Variants in ROBO2 observed in about 807,000 individuals in gnomAD.
The protein encoded by ROBO2 is roundabout guidance receptor 2, also known as roundabout homolog 2.
ROBO2 carries 53 observed loss-of-function variants against 160.8 expected under a neutral mutation model. The observed-to-expected ratio is 0.33, with a 90% confidence interval of 0.26 to 0.41. ROBO2 has a LOEUF of 0.41. Ranked by LOEUF, ROBO2 falls within the 10% of genes least tolerant of loss-of-function variation. ROBO2 has a pLI of 1.00. For missense variants in ROBO2, 1,577 were observed against 1,722.4 expected (o/e 0.92, Z 1.49); for synonymous variants, 664 against 611.7 (o/e 1.09, Z -1.26).
intron 6 of ROBO2, among the ~76,000 whole-genome samples, chr3:77,527,162 C>T (rs562889473): frequency 6.6e-6 from 1 of 151,336 alleles, no homozygotes; most frequent in East Asian, 2.0e-4. Flanking sequence ...AAGACTTTAC[C>T]TAAAATATCT....
intron 2 of ROBO2, among the ~76,000 whole-genome samples, chr3:77,390,991 C>T (rs1279396096): frequency 6.6e-6 from 1 of 152,012 alleles, no homozygotes; most frequent in Non-Finnish European, 1.5e-5. Context: ...TTCAGACCTG[C>T]CTTCATTTTA....
At chr3:76,095,301 A>C (rs150324667) in intron 2 of ROBO2, among the ~76,000 whole-genome samples, 5 of 152,246 alleles carry the variant, frequency 3.3e-5, no homozygotes, top group African/African-American at 9.6e-5. Context: ...TGAATTTAAA[A>C]GGCCCATTAT....
At chr3:77,502,290 T>G (rs768244808) in intron 5 of ROBO2, among the ~76,000 whole-genome samples, 2 of 152,132 alleles carry the variant, frequency 1.3e-5, no homozygotes, top group African/African-American at 2.4e-5. Context: ...ATTTTTATCA[T>G]ATAGTCACAG....
chr3:75,986,326 C>T (rs530936876), intron 2 of ROBO2, among the ~76,000 whole-genome samples: 1 of 151,558 alleles, frequency 6.6e-6, no homozygotes. Context: ...ACTTATTGAC[C>T]ATTTCTATTA....
At chr3:76,716,954 G>C (rs938827807) in intron 2 of ROBO2, among the ~76,000 whole-genome samples, 1 of 152,154 alleles carries the variant, frequency 6.6e-6, no homozygotes, top group Non-Finnish European at 1.5e-5. Context: ...GAGGATGTTA[G>C]AGTGAAATAA....
chr3:77,363,516 A>G (rs2153470770), intron 2 of ROBO2, among the ~76,000 whole-genome samples: 1 of 152,320 alleles, frequency 6.6e-6, no homozygotes, highest in East Asian at 1.9e-4. Context: ...GTGACCCAAG[A>G]GCCTTCAAAA....
At chr3:77,172,923 A>G (rs1370331988) in intron 2 of ROBO2, among the ~76,000 whole-genome samples, 1 of 152,236 alleles carries the variant, frequency 6.6e-6, no homozygotes, top group Non-Finnish European at 1.5e-5. Flanking sequence ...CCTACTTGTC[A>G]GAACTGAAGT....
At chr3:76,412,394 C>A (rs938600441) in intron 2 of ROBO2, among the ~76,000 whole-genome samples, 5 of 152,160 alleles carry the variant, frequency 3.3e-5, no homozygotes, top group African/African-American at 1.2e-4. Flanking sequence ...TCCCAACAGT[C>A]CCCCAAAGTC....
At chr3:76,109,164 A>G (rs1257010313) in intron 2 of ROBO2, among the ~76,000 whole-genome samples, 1 of 152,052 alleles carries the variant, frequency 6.6e-6, no homozygotes. Context: ...TAAAGTGTAT[A>G]ATATAATAAA....
chr3:77,563,112 AG>A, intron 10 of ROBO2, 54 bp from the exon 12 acceptor site: 1 of 1,551,714 alleles, frequency 6.4e-7, no homozygotes, highest in Non-Finnish European at 8.9e-7. Context: ...TCTTTTAGGC[AG>A]TATTGTCAAC....
chr3:77,489,617 G>A (rs767062314), intron 4 of ROBO2, among the ~76,000 whole-genome samples: 1 of 152,180 alleles, frequency 6.6e-6, no homozygotes, highest in Non-Finnish European at 1.5e-5. Context: ...CTGATGTAAC[G>A]TTTGCCATTT....
At chr3:77,138,145 G>A (rs544687110) in intron 2 of ROBO2, among the ~76,000 whole-genome samples, 31 of 152,168 alleles carry the variant, frequency 2.0e-4, no homozygotes, top group African/African-American at 7.5e-4. Flanking sequence ...TGGTTCAATT[G>A]TCCTTACCAG....
intron 2 of ROBO2, among the ~76,000 whole-genome samples, chr3:76,003,853 C>T (rs754169393): frequency 5.9e-5 from 9 of 152,066 alleles, no homozygotes; most frequent in Non-Finnish European, 1.2e-4. Flanking sequence ...CACCATTAGT[C>T]GTTAGGAAAA....
chr3:76,603,351 A>AAAAAATAT (rs1553826368), intron 2 of ROBO2, among the ~76,000 whole-genome samples: 3 of 26,406 alleles, frequency 1.1e-4, no homozygotes, highest in African/African-American at 2.4e-4. Context: ...AAAAAAAAAA[A>AAAAAATAT]ATATATATAT....
intron 2 of ROBO2, among the ~76,000 whole-genome samples, chr3:76,586,072 T>C (rs1035317522): frequency 2.6e-5 from 4 of 152,192 alleles, no homozygotes; most frequent in African/African-American, 9.7e-5. Flanking sequence ...CTTGAAAGGA[T>C]CATAGTGCTG....
intron 2 of ROBO2, among the ~76,000 whole-genome samples, chr3:76,089,599 C>A (rs9840143): frequency 0.67 from 101,943 of 151,966 alleles, 35,437 homozygotes; most frequent in African/African-American, 0.87. Flanking sequence ...ATATTAATAT[C>A]TGAAGAAAAA....
At chr3:76,204,155 G>A (rs771451311) in intron 2 of ROBO2, among the ~76,000 whole-genome samples, 1 of 152,066 alleles carries the variant, frequency 6.6e-6, no homozygotes, top group East Asian at 1.9e-4. Flanking sequence ...TTTCCTAAGT[G>A]ATAGTAGTTT....
At chr3:77,496,324 A>C (rs140947887) in intron 5 of ROBO2, among the ~76,000 whole-genome samples, 22 of 152,300 alleles carry the variant, frequency 1.4e-4, no homozygotes, top group Non-Finnish European at 2.5e-4. Context: ...TGAAAGAAGC[A>C]TGTACTTTTT....
chr3:76,622,962 A>T (rs1965190), intron 2 of ROBO2, among the ~76,000 whole-genome samples: 113,980 of 152,018 alleles, frequency 0.75, 43,336 homozygotes, highest in South Asian at 0.91. Flanking sequence ...TGTGTATTTC[A>T]GCCATGCTCC....
Sources: gnomAD v4.1 joint callset for allele counts (sites outside exome capture counted in the v4.1 genomes callset) on GRCh38, gnomAD v4.1.1 for gene constraint, MANE v1.5 for transcripts, NCBI Gene and HGNC (gene_info 2026-07-23, HGNC 2026-07-21) for gene names.